Variants in CABIN1 observed in about 807,000 individuals in gnomAD.
CABIN1 encodes the protein calcineurin binding protein 1.
A neutral mutation model predicts 227.7 loss-of-function variants in CABIN1; 133 were observed. The observed-to-expected ratio is 0.58, with a 90% CI of 0.51 to 0.67. The LOEUF (loss-of-function observed/expected upper bound fraction) is 0.67, where lower values mean the gene tolerates loss of function less well. Among genes scored for constraint, CABIN1 ranks in the 30% least tolerant of loss-of-function variants. CABIN1 has a pLI of 0.00. For missense variants in CABIN1, 2,408 were observed against 2,852.5 expected, an observed-to-expected ratio of 0.84 and a Z score of 3.55; for synonymous variants, 1,086 against 1,155.1, an observed-to-expected ratio of 0.94 and a Z score of 1.21.
intron 10 of CABIN1, among the ~76,000 whole-genome samples, chr22:24,057,216 A>T (rs1232523025): frequency 1.3e-5 from 2 of 151,598 alleles, no homozygotes; most frequent in Non-Finnish European, 2.9e-5. Context: ...GATTATAGGC[A>T]TGAGCCACGG....
At chr22:24,162,727 T>C (rs1335340018) in intron 29 of CABIN1, among the ~76,000 whole-genome samples, 1 of 152,244 alleles carries the variant, frequency 6.6e-6, no homozygotes, top group East Asian at 1.9e-4. Flanking sequence ...CCTTCTGATT[T>C]TCCATGGACT....
chr22:24,038,597 C>A, intron 4 of CABIN1, 136 bp downstream of exon 4: 1 of 692,330 alleles, frequency 1.4e-6, no homozygotes. Context: ...CCTCTCTGCC[C>A]CTATTTCCCC....
chr22:24,017,156 C>T (rs1265769422), intron 1 of CABIN1, among the ~76,000 whole-genome samples: 4 of 151,562 alleles, frequency 2.6e-5, no homozygotes, highest in African/African-American at 7.3e-5. Flanking sequence ...CCTGCCTCAG[C>T]CTCCCGAGTA....
chr22:24,153,500 C>A (rs988373461), intron 29 of CABIN1, among the ~76,000 whole-genome samples: 1 of 152,158 alleles, frequency 6.6e-6, no homozygotes, highest in African/African-American at 2.4e-5. Context: ...GCAGTCTCAC[C>A]AGCCTCTGAT....
chr22:24,100,502 C>T (rs775768127), intron 26 of CABIN1, among the ~76,000 whole-genome samples: 20 of 152,264 alleles, frequency 1.3e-4, no homozygotes, highest in Non-Finnish European at 2.2e-4. Flanking sequence ...GTTCCTGCTT[C>T]TCCTTCCTGG....
intron 23 of CABIN1, 148 bp from the exon 24 acceptor site, chr22:24,091,435 C>T: frequency 1.0e-6 from 1 of 999,278 alleles, no homozygotes; most frequent in Non-Finnish European, 1.5e-6. Flanking sequence ...GTGTCACCAG[C>T]TGTGAAATGG....
chr22:24,022,358 T>G (rs886726210), intron 1 of CABIN1, among the ~76,000 whole-genome samples: 8 of 152,220 alleles, frequency 5.3e-5, no homozygotes, highest in African/African-American at 1.9e-4. Context: ...AATAGAAATA[T>G]AATAGTGTAC....
intron 23 of CABIN1, among the ~76,000 whole-genome samples, chr22:24,090,649 A>AAGG (rs1208840442): frequency 6.6e-6 from 1 of 152,010 alleles, no homozygotes; most frequent in Non-Finnish European, 1.5e-5. Context: ...AGAGACATCC[A>AAGG]AGGGCCGGCT....
intron 1 of CABIN1, among the ~76,000 whole-genome samples, chr22:24,017,203 A>G (rs1436779018): frequency 3.3e-5 from 5 of 151,746 alleles, no homozygotes; most frequent in African/African-American, 4.8e-5. Flanking sequence ...TGCCCAGCCA[A>G]TTTTTTTGTA....
At chr22:24,143,447 G>C (rs1456785970) in intron 29 of CABIN1, among the ~76,000 whole-genome samples, 3 of 152,310 alleles carry the variant, frequency 2.0e-5, no homozygotes, top group African/African-American at 7.2e-5. Flanking sequence ...GCTAGCCTGA[G>C]CCCCCACCCC....
At position 24,063,912 on chromosome 22, in the gene CABIN1, G is replaced by A. The variant is rs2039388043; in HGVS notation, c.1885-123G>A. ...CAGGCCTTTCTTAGGGGGGTACAGT[G>A]TAATTGGTAAAAAACCCACCCTCAT... On this transcript the variant is annotated intron_variant, in intron 14 of 36. Coordinates refer to ENST00000263119, the MANE Select transcript of CABIN1 (RefSeq NM_012295.4). 3 of 1,150,276 alleles carry A rather than the reference G, an allele frequency of 2.6e-6. No homozygotes were observed. In the African/African-American group the frequency reaches 4.6e-5, roughly 17 times the overall value. The allele number at this position is 1,150,276 out of a possible 1,614,324, so 71.3% of individuals were successfully genotyped here. A position where few individuals can be genotyped will look rare whatever the true frequency, so the allele number is the denominator to read the frequency against.
Position 24,166,850 on chromosome 22 carries a change from G to A in CABIN1, c.5219G>A (p.Ser1740Asn). Residue 1740 changes from serine to asparagine, a missense_variant, in exon 32 of 37, where the codon AGT becomes AAT. By Grantham distance (46) the Ser-to-Asn change is conservative. This residue lies in a region of CABIN1 where 714 missense variants were observed against 773.8 expected (regional missense o/e 0.92). Transcript: ENST00000263119. ...CCTGTGGCCATGGATGCAGGAGACAGTGCAGACCAAAGCGGGGAGCGGAAG... is the reference window on the plus strand; with the variant it reads ...CCTGTGGCCATGGATGCAGGAGACAATGCAGACCAAAGCGGGGAGCGGAAG... ...HRPVAMDAGD[S>N]ADQSGERKDK... is the part of the protein sequence containing the mutation. 6.2e-7 allele frequency: 1 copy of A among 1,612,942 alleles called. No individual in the cohort carries two copies. The highest frequency in any genetic ancestry group is 8.5e-7 in the Non-Finnish European group (1 of 1,179,922).
At chr22:24,165,052 G>T (rs2046367080) in intron 30 of CABIN1, among the ~76,000 whole-genome samples, 1 of 152,182 alleles carries the variant, frequency 6.6e-6, no homozygotes, top group African/African-American at 2.4e-5. Flanking sequence ...GGGGGTGTTG[G>T]GGGGATCCTG....
intron 28 of CABIN1, among the ~76,000 whole-genome samples, chr22:24,132,062 CAA>C (rs34365542): frequency 5.5e-4 from 63 of 114,648 alleles, no homozygotes; most frequent in Admixed American, 6.3e-4. Flanking sequence ...ACTCTGTCTC[CAA>C]AAAAAAAAAA....
intron 19 of CABIN1, among the ~76,000 whole-genome samples, chr22:24,082,425 T>C (rs1394534846): frequency 6.6e-6 from 1 of 152,204 alleles, no homozygotes; most frequent in Non-Finnish European, 1.5e-5. Context: ...TTGAAGACTG[T>C]AAGTTTTCCC....
chr22:24,172,304 A>T (rs2046864357), intron 34 of CABIN1, among the ~76,000 whole-genome samples: 1 of 152,206 alleles, frequency 6.6e-6, no homozygotes, highest in Non-Finnish European at 1.5e-5. Flanking sequence ...TCCTCCCCAC[A>T]AAGCCTTATA....
chr22:24,107,251 C>G (rs770342325), intron 26 of CABIN1, among the ~76,000 whole-genome samples: 18 of 152,220 alleles, frequency 1.2e-4, no homozygotes, highest in Non-Finnish European at 1.5e-4. Flanking sequence ...GCCCCATTAG[C>G]AGAGCCTTCC....
intron 28 of CABIN1, among the ~76,000 whole-genome samples, chr22:24,125,780 G>C (rs1035814037): frequency 1.3e-5 from 2 of 152,240 alleles, no homozygotes; most frequent in Non-Finnish European, 2.9e-5. Flanking sequence ...CCAGGTTCTT[G>C]TCAAGCTTTA....
At chr22:24,088,869 T>C (rs972278795) in intron 23 of CABIN1, among the ~76,000 whole-genome samples, 12 of 152,246 alleles carry the variant, frequency 7.9e-5, no homozygotes, top group Non-Finnish European at 1.3e-4. Context: ...TGTTGAGTTC[T>C]ATCCATGATA....
Sources: allele counts gnomAD v4.1 joint callset (sites outside exome capture counted in the v4.1 genomes callset), GRCh38; gene constraint gnomAD v4.1.1; regional missense constraint gnomAD v4.1.1; transcripts MANE v1.5; gene names NCBI Gene and HGNC (gene_info 2026-07-23, HGNC 2026-07-21).